TMEM132D: variants seen among roughly 807,000 people sequenced by gnomAD.
TMEM132D encodes transmembrane protein 132D, also known as mature OL transmembrane protein.
In TMEM132D, 21 loss-of-function variants were observed where a neutral mutation model predicts 62.3. The observed-to-expected ratio is 0.34, with a 90% CI of 0.24 to 0.49. The LOEUF is 0.49. TMEM132D is among the 20% of genes least tolerant of loss of function. TMEM132D has a pLI of 0.99. For synonymous variants in TMEM132D, 621 were observed against 575.6 expected, an observed-to-expected ratio of 1.08 and a Z score of -1.13; for missense variants, 1,346 against 1,402.8, an observed-to-expected ratio of 0.96 and a Z score of 0.65.
intron 4 of TMEM132D, 82 bp downstream of exon 4, chr12:129,337,552 C>T (rs1869331449): frequency 1.9e-6 from 3 of 1,547,546 alleles, no homozygotes; most frequent in South Asian, 2.4e-5. Flanking sequence ...CTTTTCCCCA[C>T]CCAGCCTGGG....
chr12:129,114,333 CCACA>C (rs1875818850), intron 5 of TMEM132D, among the ~76,000 whole-genome samples: 1 of 152,086 alleles, frequency 6.6e-6, no homozygotes, highest in African/African-American at 2.4e-5. Context: ...GACACCCCCA[CCACA>C]AACAATTATC....
chr12:129,684,240 G>A (rs956369068), intron 2 of TMEM132D, among the ~76,000 whole-genome samples: 4 of 152,162 alleles, frequency 2.6e-5, no homozygotes, highest in Admixed American at 1.3e-4. Context: ...AAGATCCAGT[G>A]GGAGATAATT....
At chr12:129,180,818 G>A (rs1878043837) in intron 5 of TMEM132D, among the ~76,000 whole-genome samples, 1 of 152,142 alleles carries the variant, frequency 6.6e-6, no homozygotes, top group African/African-American at 2.4e-5. Context: ...AGTGTGGCTG[G>A]GGCATGGTAA....
chr12:129,648,139 G>A (rs780092342), intron 2 of TMEM132D, among the ~76,000 whole-genome samples: 2 of 151,968 alleles, frequency 1.3e-5, no homozygotes, highest in African/African-American at 2.4e-5. Context: ...CTTCCCAATC[G>A]CTCCTATGGA....
intron 3 of TMEM132D, among the ~76,000 whole-genome samples, chr12:129,470,457 A>G (rs775892369): frequency 2.0e-4 from 30 of 152,134 alleles, no homozygotes; most frequent in Non-Finnish European, 2.9e-4. Flanking sequence ...ACTTTGCGCC[A>G]GGCATATACT....
intron 1 of TMEM132D, among the ~76,000 whole-genome samples, chr12:129,855,117 T>TGGGTGCCCTTATAACAGAGTCCG (rs1566009815): frequency 2.4e-5 from 3 of 125,280 alleles, no homozygotes; most frequent in Non-Finnish European, 3.5e-5. Context: ...GGGAACGGGA[T>TGGGTGCCCTTATAACAGAGTCCG]GGCTGCCCTT....
intron 5 of TMEM132D, among the ~76,000 whole-genome samples, chr12:129,198,939 TAAAAC>T (rs1398740313): frequency 6.6e-6 from 1 of 152,018 alleles, no homozygotes; most frequent in East Asian, 1.9e-4. Context: ...AGATAAAAAT[TAAAAC>T]AGAAAATATG....
At chr12:129,853,990 C>T (rs1873630829) in intron 1 of TMEM132D, among the ~76,000 whole-genome samples, 1 of 152,100 alleles carries the variant, frequency 6.6e-6, no homozygotes, top group Non-Finnish European at 1.5e-5. Flanking sequence ...AAAAGCAATG[C>T]AATAACGCAA....
intron 1 of TMEM132D, among the ~76,000 whole-genome samples, chr12:129,790,050 C>T (rs1593162737): frequency 6.6e-6 from 1 of 152,170 alleles, no homozygotes; most frequent in African/African-American, 2.4e-5. Context: ...GCTTCGACGC[C>T]AGCAGGGATG....
At chr12:129,232,769 A>G (rs960486331) in intron 4 of TMEM132D, among the ~76,000 whole-genome samples, 13 of 152,178 alleles carry the variant, frequency 8.5e-5, no homozygotes, top group Admixed American at 7.2e-4. Context: ...GGAAACAATC[A>G]TGGCAGAAGG....
intron 1 of TMEM132D, among the ~76,000 whole-genome samples, chr12:129,883,062 G>A (rs1274904055): frequency 1.3e-5 from 2 of 152,134 alleles, no homozygotes; most frequent in Admixed American, 6.6e-5. Flanking sequence ...GGGAAAGAAG[G>A]AGGGGTGTGG....
chr12:129,591,107 A>C (rs1421889724), intron 2 of TMEM132D, among the ~76,000 whole-genome samples: 1 of 152,194 alleles, frequency 6.6e-6, no homozygotes, highest in East Asian at 1.9e-4. Context: ...CAAGGCATGA[A>C]AGAAAGAGGT....
At chr12:129,214,276 G>T (rs1353977402) in intron 4 of TMEM132D, among the ~76,000 whole-genome samples, 4 of 152,086 alleles carry the variant, frequency 2.6e-5, no homozygotes, top group Non-Finnish European at 2.9e-5. Flanking sequence ...TTTTTATTTT[G>T]ATTTTTGTTT....
chr12:129,099,113 G>A (rs1875208165), intron 5 of TMEM132D, among the ~76,000 whole-genome samples: 1 of 152,178 alleles, frequency 6.6e-6, no homozygotes, highest in Non-Finnish European at 1.5e-5. Flanking sequence ...AGGCCCTACA[G>A]ACTTTGCCCC....
intron 3 of TMEM132D, among the ~76,000 whole-genome samples, chr12:129,362,361 A>G (rs1269327865): frequency 1.3e-5 from 2 of 152,150 alleles, no homozygotes; most frequent in Admixed American, 1.3e-4. Flanking sequence ...AAAGTGAGGC[A>G]ATATTCTATT....
At chr12:129,472,416 A>G (rs1874118393) in intron 3 of TMEM132D, among the ~76,000 whole-genome samples, 1 of 152,242 alleles carries the variant, frequency 6.6e-6, no homozygotes, top group African/African-American at 2.4e-5. Flanking sequence ...GGAACATCAC[A>G]TACTGGGGCC....
chr12:129,831,583 C>A (rs1199197335), intron 1 of TMEM132D, among the ~76,000 whole-genome samples: 1 of 152,188 alleles, frequency 6.6e-6, no homozygotes. Flanking sequence ...ATGCTTTAGA[C>A]CATGACCTAG....
At chr12:129,321,927 A>T (rs1040313346) in intron 4 of TMEM132D, among the ~76,000 whole-genome samples, 9 of 152,186 alleles carry the variant, frequency 5.9e-5, no homozygotes, top group African/African-American at 2.2e-4. Flanking sequence ...TCGGACACAC[A>T]GATATGTCTA....
chr12:129,314,818 C>T (rs1868431223), intron 4 of TMEM132D, among the ~76,000 whole-genome samples: 1 of 151,364 alleles, frequency 6.6e-6, no homozygotes, highest in African/African-American at 2.4e-5. Context: ...TGTAGTTTTC[C>T]TTGTAGAGGT....
Sources: allele counts gnomAD v4.1 joint callset (sites outside exome capture counted in the v4.1 genomes callset), GRCh38; gene constraint gnomAD v4.1.1; transcripts MANE v1.5; gene names NCBI Gene and HGNC (gene_info 2026-07-23, HGNC 2026-07-21).